SGIP1: variants seen among roughly 807,000 people sequenced by gnomAD.
SGIP1 encodes SH3GL interacting endocytic adaptor 1.
Under a neutral mutation model 107.5 loss-of-function variants are expected in SGIP1, and 38 were observed. The ratio of observed to expected loss-of-function variants is 0.35; its 90% CI spans 0.27 to 0.46. The LOEUF (loss-of-function observed/expected upper bound fraction) is 0.46. SGIP1 is among the 20% of genes least tolerant of loss of function. The pLI is 1.00. For synonymous variants in SGIP1, 365 were observed against 366.1 expected (o/e 1.00, Z 0.03); for missense variants, 929 against 1,019.5 (o/e 0.91, Z 1.21).
Position 66,750,957 on chromosome 1 carries a change from A to G in SGIP1, c.*7862A>G, listed in dbSNP as rs2094613960. Among the ~76,000 whole-genome samples, 1 of 152,156 alleles carries G rather than the reference A, an allele frequency of 6.6e-6. No homozygotes were observed. Among genetic ancestry groups the G allele is most frequent in the Non-Finnish European group, 1.5e-5 (1 of 68,010 alleles). On this transcript the variant is annotated 3_prime_UTR_variant, in exon 25 of 25. Transcript: ENST00000371037. ...TTTTTGTAAATGTTTTTTGTTCATA[A>G]TTTTCCCAATCACCTATTTCACAAA...
intron 1 of SGIP1, among the ~76,000 whole-genome samples, chr1:66,548,893 A>G (rs2056908368): frequency 1.3e-5 from 2 of 152,188 alleles, no homozygotes; most frequent in African/African-American, 4.8e-5. Flanking sequence ...ACTATGCCCT[A>G]AATTGCATTT....
At chr1:66,564,581 C>T (rs2059399609) in intron 1 of SGIP1, among the ~76,000 whole-genome samples, 1 of 151,970 alleles carries the variant, frequency 6.6e-6, no homozygotes, top group Admixed American at 6.6e-5. Flanking sequence ...GCCATTTCCT[C>T]TTTACACTGG....
At chr1:66,699,202 C>T (rs1490583701) in intron 18 of SGIP1, among the ~76,000 whole-genome samples, 4 of 152,108 alleles carry the variant, frequency 2.6e-5, no homozygotes, top group East Asian at 3.9e-4. Context: ...GGAGACCTCT[C>T]TTCAGTCTTC....
intron 15 of SGIP1, among the ~76,000 whole-genome samples, chr1:66,682,751 G>A (rs1381474135): frequency 2.6e-5 from 4 of 151,704 alleles, no homozygotes; most frequent in Non-Finnish European, 4.4e-5. Context: ...CCCCCACAAG[G>A]ACACTAGGTT....
intron 1 of SGIP1, among the ~76,000 whole-genome samples, chr1:66,563,810 A>G (rs901691558): frequency 6.6e-6 from 1 of 151,962 alleles, no homozygotes; most frequent in Non-Finnish European, 1.5e-5. Context: ...AAAGAATATC[A>G]TTTGAAATAC....
chr1:66,633,932 A>G (rs955013074), intron 3 of SGIP1: 9 of 642,458 alleles, frequency 1.4e-5, no homozygotes, highest in African/African-American at 1.3e-4. Context: ...AATTGCAGCT[A>G]TAGCAGGAAT....
chr1:66,656,581 G>A (rs778065831), intron 7 of SGIP1, among the ~76,000 whole-genome samples: 6 of 152,104 alleles, frequency 3.9e-5, no homozygotes, highest in African/African-American at 1.2e-4. Context: ...GACCACCATC[G>A]TATACGCAGT....
chr1:66,569,685 G>C (rs1408011611), intron 1 of SGIP1, among the ~76,000 whole-genome samples: 1 of 151,764 alleles, frequency 6.6e-6, no homozygotes, highest in Non-Finnish European at 1.5e-5. Context: ...CTGTGTTCAT[G>C]AGATATATTG....
chr1:66,635,842 T>C, intron 3 of SGIP1, 102 bp from the exon 4 acceptor site: 1 of 1,239,032 alleles, frequency 8.1e-7, no homozygotes, highest in South Asian at 1.3e-5. Flanking sequence ...GATGGTTTCT[T>C]CTATGGTATG....
At chr1:66,594,206 CT>C (rs5774825) in intron 1 of SGIP1, among the ~76,000 whole-genome samples, 3 of 151,854 alleles carry the variant, frequency 2.0e-5, no homozygotes, top group African/African-American at 4.8e-5. Context: ...AAAATATAAA[CT>C]TTTTTTCATT....
chr1:66,555,370 A>G (rs537456318), intron 1 of SGIP1, among the ~76,000 whole-genome samples: 2 of 152,194 alleles, frequency 1.3e-5, no homozygotes, highest in East Asian at 3.9e-4. Flanking sequence ...TTTATCTTAT[A>G]TCTGAACCTT....
chr1:66,579,944 A>G (rs1401021970), intron 1 of SGIP1, among the ~76,000 whole-genome samples: 1 of 151,994 alleles, frequency 6.6e-6, no homozygotes, highest in East Asian at 1.9e-4. Flanking sequence ...CAACTATTCT[A>G]TTATCTCTAC....
intron 1 of SGIP1, among the ~76,000 whole-genome samples, chr1:66,593,824 C>G (rs942567896): frequency 2.0e-5 from 3 of 152,138 alleles, no homozygotes; most frequent in African/African-American, 7.2e-5. Context: ...CTCATTTGCT[C>G]TGTAACTTGC....
At chr1:66,704,537 T>C (rs986509655) in intron 18 of SGIP1, 3 of 152,192 alleles carry the variant, frequency 2.0e-5, no homozygotes, top group Admixed American at 2.0e-4. Flanking sequence ...ACATATAATT[T>C]CAAACTTCCT....
rs539006838 is a variant in SGIP1 at position 66,745,556 on chromosome 1, C to G, written c.*2461C>G. 2.0e-5 allele frequency: 3 copies of G among 152,116 alleles called. No individual in the cohort carries two copies. Among genetic ancestry groups the G allele is most frequent in the African/African-American group, 7.2e-5 (3 of 41,528 alleles). 9.4% of individuals were successfully genotyped at this position (152,116 alleles called of 1,614,324 possible). Reference sequence around the variant, plus strand: ...TTCATGTCCTGAAAATGGTCCCAGGCAATGAAAGAGTCTCAGTTATCAAAG... The same window carrying G: ...TTCATGTCCTGAAAATGGTCCCAGGGAATGAAAGAGTCTCAGTTATCAAAG... On this transcript the variant is annotated 3_prime_UTR_variant, in exon 25 of 25. Transcript: ENST00000371037.
chr1:66,625,786 C>A, intron 1 of SGIP1, 61 bp from the exon 2 acceptor site: 1 of 1,495,890 alleles, frequency 6.7e-7, no homozygotes, highest in South Asian at 1.2e-5. Flanking sequence ...TTACAACCTT[C>A]AAAATATGTT....
At chr1:66,644,786 A>G (rs1245295247) in intron 7 of SGIP1, among the ~76,000 whole-genome samples, 1 of 152,236 alleles carries the variant, frequency 6.6e-6, no homozygotes, top group Non-Finnish European at 1.5e-5. Context: ...GGTAACAACC[A>G]AAATGATTGC....
At chr1:66,720,074 T>C (rs2093447836) in intron 19 of SGIP1, among the ~76,000 whole-genome samples, 1 of 152,226 alleles carries the variant, frequency 6.6e-6, no homozygotes, top group Non-Finnish European at 1.5e-5. Context: ...ATATGTGATG[T>C]AATTAAATAT....
chr1:66,738,671 A>G (rs2094348253), intron 21 of SGIP1, among the ~76,000 whole-genome samples: 1 of 152,228 alleles, frequency 6.6e-6, no homozygotes, highest in African/African-American at 2.4e-5. Flanking sequence ...AGTAAAAACT[A>G]GAAGTAACTT....
Sources: allele counts gnomAD v4.1 joint callset (sites outside exome capture counted in the v4.1 genomes callset), GRCh38; gene constraint gnomAD v4.1.1; transcripts MANE v1.5; gene names NCBI Gene and HGNC (gene_info 2026-07-23, HGNC 2026-07-21).